The following PRKAR1B variants were observed in gnomAD, a reference collection of about 807,000 sequenced individuals.
The protein encoded by PRKAR1B is protein kinase cAMP-dependent type I regulatory subunit beta.
Under a neutral mutation model 46.5 loss-of-function variants are expected in PRKAR1B, and 22 were observed. The observed-to-expected ratio is 0.47, with a 90% CI of 0.34 to 0.68. The LOEUF is 0.68. PRKAR1B is among the 30% of genes least tolerant of loss of function. The pLI, the probability that PRKAR1B is intolerant of heterozygous loss-of-function variation, is 0.01. For missense variants in PRKAR1B, 445 were observed against 535.6 expected, an observed-to-expected ratio of 0.83 and a Z score of 1.67; for synonymous variants, 259 against 217.7, an observed-to-expected ratio of 1.19 and a Z score of -1.67.
chr7:647,544 T>C (rs1055530694), intron 4 of PRKAR1B, among the ~76,000 whole-genome samples: 2 of 152,016 alleles, frequency 1.3e-5, no homozygotes, highest in African/African-American at 4.8e-5. Flanking sequence ...CGGTGGCTCA[T>C]GCCTGTAATC....
At chr7:677,197 G>A (rs1368587611) in intron 4 of PRKAR1B, 32 bp downstream of exon 4, 1 of 1,608,186 alleles carries the variant, frequency 6.2e-7, no homozygotes, top group Non-Finnish European at 8.5e-7. Flanking sequence ...GAGGGCGGCG[G>A]TGATGCCGGG....
intron 2 of PRKAR1B, among the ~76,000 whole-genome samples, chr7:681,227 G>A (rs1466583237): frequency 2.0e-5 from 3 of 151,458 alleles, no homozygotes; most frequent in Admixed American, 1.3e-4. Flanking sequence ...CCCGAGCCAT[G>A]CAGAACTGTG....
Position 726,911 on chromosome 7 carries a change from C to G in PRKAR1B, c.-23+299G>C. On this transcript the variant is annotated intron_variant, in intron 1 of 10. Transcript: ENST00000537384. ...GCGCTGGAGGAGCCAGGCCCTGCCG[C>G]CGACCCCACCGCTTTCCAGGGCCCC... The G allele has an allele frequency of 7.4e-7, 1 of 1,345,796 alleles. No homozygotes were observed. Among genetic ancestry groups the G allele is most frequent in the South Asian group, 1.7e-5 (1 of 59,442 alleles). The allele number at this position is 1,345,796 out of a possible 1,614,324, so 83.4% of individuals were successfully genotyped here.
At chr7:647,579 A>G (rs1784681275) in intron 4 of PRKAR1B, among the ~76,000 whole-genome samples, 1 of 151,894 alleles carries the variant, frequency 6.6e-6, no homozygotes, top group South Asian at 2.1e-4. Flanking sequence ...GGCCGAGACA[A>G]GTGGATCACA....
intron 7 of PRKAR1B, among the ~76,000 whole-genome samples, chr7:590,117 C>G (rs1304585922): frequency 2.0e-5 from 3 of 152,258 alleles, no homozygotes; most frequent in Non-Finnish European, 4.4e-5. Context: ...GACCAGAAGA[C>G]AGAGGGGGCT....
rs574363095 is a variant in PRKAR1B, at chr7:616,751, G to A, written c.441-9299C>T. ...AGGTGTGGTTCCCAGTCATGCCCGCGGCATCGATGTTTTCAAAGACACATT... is the reference window on the plus strand; with the variant it reads ...AGGTGTGGTTCCCAGTCATGCCCGCAGCATCGATGTTTTCAAAGACACATT... On this transcript the variant is annotated intron_variant, in intron 4 of 10. Coordinates refer to ENST00000537384, the MANE Select transcript of PRKAR1B (RefSeq NM_001164760.2). 1.0e-3 allele frequency among the ~76,000 whole-genome samples: 152 copies of A among 152,244 alleles called. 1 individual carries two copies. The highest frequency in any genetic ancestry group is 1.9e-3 in the South Asian group (9 of 4,820).
At chr7:700,879 G>A (rs537862677) in intron 2 of PRKAR1B, among the ~76,000 whole-genome samples, 1 of 152,262 alleles carries the variant, frequency 6.6e-6, no homozygotes, top group East Asian at 1.9e-4. Context: ...GAGATCAACA[G>A]AAATCATCCC....
intron 8 of PRKAR1B, among the ~76,000 whole-genome samples, chr7:582,021 T>C (rs1262933378): frequency 6.6e-6 from 1 of 152,156 alleles, no homozygotes; most frequent in Non-Finnish European, 1.5e-5. Flanking sequence ...GTCCAGCTAA[T>C]TTTTTATTTT....
At chr7:677,100 C>A in intron 4 of PRKAR1B, 129 bp downstream of exon 4, 2 of 875,248 alleles carry the variant, frequency 2.3e-6, no homozygotes, top group Non-Finnish European at 3.7e-6. Flanking sequence ...AGGCGAGCAA[C>A]GGGGGCTGCC....
At chr7:618,363 T>C (rs1395128207) in intron 4 of PRKAR1B, among the ~76,000 whole-genome samples, 1 of 152,260 alleles carries the variant, frequency 6.6e-6, no homozygotes, top group Non-Finnish European at 1.5e-5. Flanking sequence ...TGATCTGTTC[T>C]TGTTTTGCCT....
At chr7:552,563 G>A (rs1018934947) in intron 9 of PRKAR1B, among the ~76,000 whole-genome samples, 3 of 150,660 alleles carry the variant, frequency 2.0e-5, no homozygotes, top group African/African-American at 7.4e-5. Flanking sequence ...TCCCGTTCCC[G>A]GCACCTGTGA....
At position 635,978 on chromosome 7, in the gene PRKAR1B, G is replaced by A. The variant is rs1217905096; in HGVS notation, c.441-28526C>T. ...CGGCCGCGCCCTCACGTCCTCCACC[G>A]GCCGCGCCCTCACGTCCTCCACCGG... On this transcript the variant is annotated intron_variant, in intron 4 of 10. Coordinates refer to ENST00000537384, the MANE Select transcript of PRKAR1B (RefSeq NM_001164760.2). Among the ~76,000 whole-genome samples the A allele has an allele frequency of 4.5e-3, 464 of 102,060 alleles. 6 individuals carry two copies. Among genetic ancestry groups the A allele is most frequent in the African/African-American group, 0.015 (406 of 26,546 alleles). 67.0% of individuals were successfully genotyped at this position (102,060 alleles called of 152,430 possible).
At chr7:699,407 A>T (rs148942903) in intron 2 of PRKAR1B, among the ~76,000 whole-genome samples, 126 of 152,304 alleles carry the variant, frequency 8.3e-4, no homozygotes, top group African/African-American at 2.9e-3. Context: ...GCCCCTCCCA[A>T]CGCAGGAACA....
intron 7 of PRKAR1B, among the ~76,000 whole-genome samples, chr7:585,458 T>C (rs1399505261): frequency 6.6e-6 from 1 of 152,178 alleles, no homozygotes; most frequent in Non-Finnish European, 1.5e-5. Flanking sequence ...AGCTCGACTT[T>C]GCTAAAATTC....
chr7:607,312 C>T (rs1782146443), intron 5 of PRKAR1B, 79 bp downstream of exon 5: 2 of 1,409,754 alleles, frequency 1.4e-6, no homozygotes. Context: ...TCGTGCCTGC[C>T]CTTATGCTAT....
chr7:605,293 G>T (rs1781952730), intron 6 of PRKAR1B, among the ~76,000 whole-genome samples: 1 of 152,232 alleles, frequency 6.6e-6, no homozygotes, highest in Admixed American at 6.5e-5. Flanking sequence ...CTCCTAGCGG[G>T]CGTTTTCCCA....
At chr7:709,974 G>A (rs1015347074) in intron 2 of PRKAR1B, among the ~76,000 whole-genome samples, 1 of 152,186 alleles carries the variant, frequency 6.6e-6, no homozygotes, top group Non-Finnish European at 1.5e-5. Flanking sequence ...CATTTGAGGG[G>A]GAATTCGGTG....
intron 6 of PRKAR1B, among the ~76,000 whole-genome samples, chr7:598,928 G>A (rs535777080): frequency 6.6e-6 from 1 of 152,386 alleles, no homozygotes; most frequent in South Asian, 2.1e-4. Flanking sequence ...TCTGGGAGCA[G>A]AGAAGGGTGA....
At chr7:639,309 G>C (rs1361861971) in intron 4 of PRKAR1B, among the ~76,000 whole-genome samples, 1 of 152,140 alleles carries the variant, frequency 6.6e-6, no homozygotes, top group Non-Finnish European at 1.5e-5. Context: ...TTTCCAACCA[G>C]GGTGCCAAGG....
Sources: gnomAD v4.1 joint callset for allele counts (sites outside exome capture counted in the v4.1 genomes callset) on GRCh38, gnomAD v4.1.1 for gene constraint, MANE v1.5 for transcripts, NCBI Gene and HGNC (gene_info 2026-07-23, HGNC 2026-07-21) for gene names.